RPS6KA6: variants seen among roughly 807,000 people sequenced by gnomAD.
The protein encoded by RPS6KA6 is ribosomal protein S6 kinase A6.
A neutral mutation model predicts 65.4 loss-of-function variants in RPS6KA6; 27 were observed. The observed-to-expected ratio is 0.41, with a 90% CI of 0.30 to 0.57. The LOEUF is 0.57. Among genes scored for constraint, RPS6KA6 ranks in the 20% least tolerant of loss-of-function variants. The pLI is 0.24. For synonymous variants in RPS6KA6, 190 were observed against 184.2 expected, an observed-to-expected ratio of 1.03 and a Z score of -0.26; for missense variants, 486 against 555.6, an observed-to-expected ratio of 0.87 and a Z score of 1.26.
chrX:84,166,822 A>G (rs1030909865), intron 1 of RPS6KA6, among the ~76,000 whole-genome samples: 1 of 111,625 alleles, frequency 9.0e-6, no homozygotes, highest in Non-Finnish European at 1.9e-5. Flanking sequence ...GTGATGAAGA[A>G]CTTTTAAAAT....
At chrX:84,161,013 T>C in intron 2 of RPS6KA6, among the ~76,000 whole-genome samples, 1 of 110,894 alleles carries the variant, frequency 9.0e-6, no homozygotes, top group Non-Finnish European at 1.9e-5. Flanking sequence ...GCTCCTTAGT[T>C]CCCTCATCTA....
chrX:84,151,112 T>TATATATAGGATATATATAG (rs1434833344), intron 3 of RPS6KA6, among the ~76,000 whole-genome samples: 1 of 98,976 alleles, frequency 1.0e-5, no homozygotes, highest in Non-Finnish European at 2.0e-5. Context: ...TATATATAGA[T>TATATATAGGATATATATAG]ATATATAGGA....
chrX:84,065,437 G>C (rs764066622), intron 20 of RPS6KA6, among the ~76,000 whole-genome samples: 2 of 111,849 alleles, frequency 1.8e-5, no homozygotes, highest in South Asian at 7.5e-4. Flanking sequence ...GGAGACAGGA[G>C]CTATTGAACT....
At chrX:84,111,120 T>C (rs1040501168) in intron 12 of RPS6KA6, among the ~76,000 whole-genome samples, 1 of 107,505 alleles carries the variant, frequency 9.3e-6, no homozygotes, top group African/African-American at 3.3e-5. Flanking sequence ...TGAGGGCTGG[T>C]CTTTTGAATT....
At chrX:84,082,246 C>T (rs755661281) in intron 20 of RPS6KA6, among the ~76,000 whole-genome samples, 19 of 111,820 alleles carry the variant, frequency 1.7e-4, no homozygotes, top group Non-Finnish European at 2.8e-4. Flanking sequence ...ACTTCAGCAA[C>T]GCCTCAGGAT....
At chrX:84,103,385 TA>T (rs760359167) in intron 17 of RPS6KA6, among the ~76,000 whole-genome samples, 12 of 109,585 alleles carry the variant, frequency 1.1e-4, no homozygotes, top group East Asian at 2.9e-4. Flanking sequence ...GTAGGACTGG[TA>T]AAAAAAAATG....
chrX:84,077,193 T>C (rs2033679348), intron 20 of RPS6KA6, among the ~76,000 whole-genome samples: 1 of 111,313 alleles, frequency 9.0e-6, no homozygotes. Flanking sequence ...TCCATCACCA[T>C]CTCATTCAAA....
intron 8 of RPS6KA6, among the ~76,000 whole-genome samples, chrX:84,126,098 AC>A (rs1249043501): frequency 9.0e-6 from 1 of 111,564 alleles, no homozygotes; most frequent in Non-Finnish European, 1.9e-5. Context: ...TCTGTTGCCT[AC>A]AGGAAACACA....
At chrX:84,091,382 T>C (rs1395164940) in intron 20 of RPS6KA6, among the ~76,000 whole-genome samples, 2 of 112,365 alleles carry the variant, frequency 1.8e-5, no homozygotes, top group African/African-American at 6.5e-5. Flanking sequence ...CTAGATGTGA[T>C]AGAAAATGCA....
chrX:84,090,018 A>G (rs985592840), intron 20 of RPS6KA6, among the ~76,000 whole-genome samples: 9 of 112,338 alleles, frequency 8.0e-5, no homozygotes, highest in African/African-American at 2.9e-4. Flanking sequence ...CAATTTTCCT[A>G]TTCTCACAGT....
intron 1 of RPS6KA6, among the ~76,000 whole-genome samples, chrX:84,176,034 CTGAG>C (rs1306496539): frequency 7.1e-5 from 8 of 112,043 alleles, no homozygotes; most frequent in Non-Finnish European, 1.3e-4. Context: ...TACTGAGTCA[CTGAG>C]TAACTACTGT....
intron 20 of RPS6KA6, 150 bp downstream of exon 20, chrX:84,096,044 T>G (rs2034151203): frequency 4.5e-6 from 2 of 442,609 alleles, no homozygotes; most frequent in African/African-American, 5.0e-5. Flanking sequence ...AGTTATCCTT[T>G]GTACACTGTT....
chrX:84,084,219 C>A (rs757468933), intron 20 of RPS6KA6, among the ~76,000 whole-genome samples: 4 of 112,263 alleles, frequency 3.6e-5, no homozygotes, highest in Non-Finnish European at 7.5e-5. Context: ...TTAATTAGAT[C>A]CCATTTGTCA....
intron 1 of RPS6KA6, 107 bp downstream of exon 1, chrX:84,187,712 G>A (rs1385125990): frequency 1.7e-5 from 13 of 767,493 alleles, no homozygotes; most frequent in Non-Finnish European, 2.2e-5. Context: ...GGCTTGCCCG[G>A]GAGCCCGCTT....
chrX:84,147,213 T>C (rs1241509655), intron 4 of RPS6KA6, among the ~76,000 whole-genome samples, 155 bp from the exon 5 acceptor site: 1 of 112,293 alleles, frequency 8.9e-6, no homozygotes, highest in East Asian at 2.8e-4. Flanking sequence ...AATGACCATA[T>C]TCTCAGAAAG....
At chrX:84,091,970 G>A (rs1160017171) in intron 20 of RPS6KA6, among the ~76,000 whole-genome samples, 1 of 111,319 alleles carries the variant, frequency 9.0e-6, no homozygotes, top group Non-Finnish European at 1.9e-5. Flanking sequence ...TCATAAGTGG[G>A]AGCTGAACAA....
At chrX:84,080,826 C>G (rs1012928961) in intron 20 of RPS6KA6, among the ~76,000 whole-genome samples, 2 of 111,315 alleles carry the variant, frequency 1.8e-5, no homozygotes, top group African/African-American at 6.5e-5. Context: ...AAGGAACTCA[C>G]TCAAAACCAC....
rs141556480 is a variant in RPS6KA6, at chrX:84,185,105, G to A, written c.81+2714C>T. Among the ~76,000 whole-genome samples, 900 of 111,292 alleles carry A rather than the reference G, an allele frequency of 8.1e-3. 2 individuals carry two copies. The highest frequency in any genetic ancestry group is 0.013 in the Non-Finnish European group (688 of 53,039). ...ATGACCAATACCCATCCCATCTCAA[G>A]TAAAACCTCTTTCTTGATCCTGACA... On this transcript the variant is annotated intron_variant, in intron 1 of 21. Transcript: ENST00000262752.
intron 8 of RPS6KA6, among the ~76,000 whole-genome samples, chrX:84,130,979 T>C (rs1358925751): frequency 4.5e-5 from 5 of 112,129 alleles, no homozygotes; most frequent in African/African-American, 1.6e-4. Flanking sequence ...ACAACAAAAG[T>C]GATTTTTAAA....
Sources: allele counts gnomAD v4.1 joint callset (sites outside exome capture counted in the v4.1 genomes callset), GRCh38; gene constraint gnomAD v4.1.1; transcripts MANE v1.5; gene names NCBI Gene and HGNC (gene_info 2026-07-23, HGNC 2026-07-21).